The following ANK1 variants were observed in gnomAD, a reference collection of about 807,000 sequenced individuals.
ANK1 encodes the protein ankyrin 1.
A neutral mutation model predicts 210.4 loss-of-function variants in ANK1; 51 were observed. The observed-to-expected ratio is 0.24, with a 90% CI of 0.19 to 0.31. The LOEUF (loss-of-function observed/expected upper bound fraction) is 0.31, where lower values mean the gene tolerates loss of function less well. Among genes scored for constraint, ANK1 ranks in the 10% least tolerant of loss-of-function variants. The pLI is 1.00. For missense variants in ANK1, 2,051 were observed against 2,504.4 expected, an observed-to-expected ratio of 0.82 and a Z score of 3.86; for synonymous variants, 967 against 1,025.9, an observed-to-expected ratio of 0.94 and a Z score of 1.10.
Position 41,655,379 on chromosome 8 carries a change from G to C in ANK1, c.*411C>G, listed in dbSNP as rs1361354647. ...GAGGTTGGGAAAAAGTACCCTGTAC[G>C]AAGTCAAAACAATTTAAAAAAAAAA... On this transcript the variant is annotated 3_prime_UTR_variant, in exon 43 of 43. Coordinates refer to ENST00000289734, the MANE Select transcript of ANK1 (RefSeq NM_000037.4). 8 of 227,364 alleles carry C rather than the reference G, an allele frequency of 3.5e-5. No homozygotes were observed. In the East Asian group the frequency reaches 7.2e-4, roughly 20 times the overall value. 14.1% of individuals were successfully genotyped at this position (227,364 alleles called of 1,614,324 possible).
chr8:41,733,905 T>C (rs1024160577), intron 3 of ANK1, 66 bp downstream of exon 3: 70 of 1,333,664 alleles, frequency 5.2e-5, no homozygotes, highest in Non-Finnish European at 7.4e-5. Flanking sequence ...AAGGACTGGT[T>C]TCTAAGGAAG....
At chr8:41,814,036 C>A (rs1802899302) in intron 1 of ANK1, among the ~76,000 whole-genome samples, 1 of 152,196 alleles carries the variant, frequency 6.6e-6, no homozygotes, top group Non-Finnish European at 1.5e-5. Flanking sequence ...ATTCTTATTA[C>A]ACTTATGCAA....
At chr8:41,894,319 G>A (rs62508245) in intron 1 of ANK1, among the ~76,000 whole-genome samples, 37,271 of 151,686 alleles carry the variant, frequency 0.25, 4,866 homozygotes, top group African/African-American at 0.27. Flanking sequence ...AGTATGCTGC[G>A]ACCGGCTAGT....
intron 24 of ANK1, 115 bp from the exon 25 acceptor site, chr8:41,696,888 G>C: frequency 9.8e-7 from 1 of 1,023,602 alleles, no homozygotes. Flanking sequence ...GCCACGTGGA[G>C]AAAGTGCTCC....
At chr8:41,737,897 C>T (rs1833830037) in intron 2 of ANK1, among the ~76,000 whole-genome samples, 1 of 152,174 alleles carries the variant, frequency 6.6e-6, no homozygotes, top group Non-Finnish European at 1.5e-5. Context: ...ATTACTTAAC[C>T]CAACTCAACA....
In ANK1 at chr8:41,727,285, G is replaced by A. The variant is rs750852392; in HGVS notation, c.391C>T (p.Leu131=). 9.3e-6 allele frequency: 15 copies of A among 1,614,188 alleles called. No individual in the cohort carries two copies. The highest frequency in any genetic ancestry group is 3.3e-4 in the Middle Eastern group (2 of 6,062). ...ACATTCTGGTTAGCTCCATTTTCCA[G>A]TAAAAACTTAACCACTTCCAAGTGG... ...ENHLEVVKFL[L]ENGANQNVAT... Residue 131 remains leucine, a synonymous_variant, in exon 5 of 43, where the codon CTG becomes TTG. Coordinates refer to ENST00000289734, the MANE Select transcript of ANK1 (RefSeq NM_000037.4).
intron 37 of ANK1, among the ~76,000 whole-genome samples, chr8:41,678,065 A>G (rs1057163145): frequency 6.6e-6 from 1 of 152,150 alleles, no homozygotes; most frequent in African/African-American, 2.4e-5. Context: ...CTGTGCATGC[A>G]GTTCATCAAA....
intron 1 of ANK1, among the ~76,000 whole-genome samples, chr8:41,827,572 C>T (rs13254560): frequency 0.34 from 52,242 of 152,008 alleles, 9,399 homozygotes; most frequent in Non-Finnish European, 0.4. Flanking sequence ...TATTTTATAA[C>T]ATTAAAGTAA....
intron 1 of ANK1, among the ~76,000 whole-genome samples, chr8:41,846,425 G>T (rs1323379155): frequency 6.6e-6 from 1 of 152,218 alleles, no homozygotes; most frequent in Non-Finnish European, 1.5e-5. Context: ...GCAGAGCTCT[G>T]CCAAGGCCCG....
chr8:41,717,526 G>A lies in ANK1; in HGVS notation c.1305+78C>T. 3.9e-6 allele frequency: 5 copies of A among 1,295,548 alleles called. No individual in the cohort carries two copies. The South Asian group carries it at 5.1e-5, about 13-fold the overall frequency. 80.3% of individuals were successfully genotyped at this position (1,295,548 alleles called of 1,614,324 possible). A position where few individuals can be genotyped will look rare whatever the true frequency, so the allele number is the denominator to read the frequency against. On this transcript the variant is annotated intron_variant, in intron 12 of 42. Coordinates refer to ENST00000289734, the MANE Select transcript of ANK1 (RefSeq NM_000037.4). ...ATCGTAGCTCTGTCCCCAGAGAGTA[G>A]GACTGGGAGCACTGGTGAAAGCTGC...
intron 1 of ANK1, among the ~76,000 whole-genome samples, chr8:41,813,427 T>C (rs1454565044): frequency 6.6e-6 from 1 of 152,178 alleles, no homozygotes; most frequent in African/African-American, 2.4e-5. Flanking sequence ...TAGATAAACA[T>C]CTCAAGAAAC....
intron 39 of ANK1, chr8:41,664,183 TC>T: frequency 4.4e-6 from 2 of 457,512 alleles, no homozygotes; most frequent in Non-Finnish European, 8.8e-6. Flanking sequence ...AACAGGACGA[TC>T]CGGGTGCAAT....
At chr8:41,735,491 G>C (rs759497446) in intron 2 of ANK1, among the ~76,000 whole-genome samples, 1 of 151,980 alleles carries the variant, frequency 6.6e-6, no homozygotes, top group Non-Finnish European at 1.5e-5. Flanking sequence ...GCCACTTCAG[G>C]CTCCAGTTCA....
chr8:41,671,170 C>CG (rs1172115727), intron 38 of ANK1, among the ~76,000 whole-genome samples: 1 of 152,160 alleles, frequency 6.6e-6, no homozygotes, highest in Non-Finnish European at 1.5e-5. Context: ...CGGCACAGGG[C>CG]GGGGGCTTCT....
intron 37 of ANK1, among the ~76,000 whole-genome samples, chr8:41,678,580 T>C (rs1029907561): frequency 5.3e-5 from 8 of 152,266 alleles, no homozygotes; most frequent in African/African-American, 1.9e-4. Flanking sequence ...TTGGAGTTTC[T>C]CTTGCTGTAT....
chr8:41,663,128 G>C (rs1303318093), intron 40 of ANK1, among the ~76,000 whole-genome samples: 1 of 151,854 alleles, frequency 6.6e-6, no homozygotes, highest in East Asian at 1.9e-4. Flanking sequence ...GTGTGTGTGT[G>C]TGTGTGTGTG....
chr8:41,660,611 C>T (rs187322430), intron 42 of ANK1: 19 of 438,168 alleles, frequency 4.3e-5, no homozygotes, highest in African/African-American at 3.1e-4. Flanking sequence ...CCTCATGGCA[C>T]GGCACGGCAC....
At chr8:41,695,097 C>T (rs1383197832) in intron 27 of ANK1, 80 bp downstream of exon 27, 1 of 1,588,692 alleles carries the variant, frequency 6.3e-7, no homozygotes. Context: ...TCAGGTGGCC[C>T]TCAAAGACCA....
chr8:41,727,401 C>T, intron 4 of ANK1, 53 bp from the exon 5 acceptor site: 1 of 1,304,670 alleles, frequency 7.7e-7, no homozygotes, highest in Non-Finnish European at 1.1e-6. Context: ...TAAGAAAGGC[C>T]TACACCAGCA....
Sources: gnomAD v4.1 joint callset for allele counts (sites outside exome capture counted in the v4.1 genomes callset) on GRCh38, gnomAD v4.1.1 for gene constraint, MANE v1.5 for transcripts, NCBI Gene and HGNC (gene_info 2026-07-23, HGNC 2026-07-21) for gene names.